Variants in DNAJC16 observed in about 807,000 individuals in gnomAD.
DNAJC16 encodes the protein DnaJ heat shock protein family (Hsp40) member C16.
A neutral mutation model predicts 92.7 loss-of-function variants in DNAJC16; 76 were observed. The ratio of observed to expected loss-of-function variants is 0.82; its 90% confidence interval spans 0.68 to 0.99. The LOEUF (loss-of-function observed/expected upper bound fraction) is 0.99. Among genes scored for constraint, DNAJC16 ranks in the 50% least tolerant of loss-of-function variants. The pLI, the probability that DNAJC16 is intolerant of heterozygous loss-of-function variation, is 0.00. For missense variants in DNAJC16, 869 were observed against 942.4 expected, an observed-to-expected ratio of 0.92 and a Z score of 1.02; for synonymous variants, 328 against 358.7, an observed-to-expected ratio of 0.91 and a Z score of 0.97.
chr1:15,534,097 C>T (rs1048652483), intron 2 of DNAJC16, 140 bp from the exon 3 acceptor site: 1 of 745,626 alleles, frequency 1.3e-6, no homozygotes, highest in African/African-American at 1.8e-5. Flanking sequence ...AACTGATTGC[C>T]TCTATCATTT....
intron 1 of DNAJC16, among the ~76,000 whole-genome samples, chr1:15,527,929 T>TA (rs1203159964): frequency 2.0e-5 from 3 of 152,192 alleles, no homozygotes; most frequent in Non-Finnish European, 4.4e-5. Flanking sequence ...TTGTGGAGTA[T>TA]AAATATCTGC....
At chr1:15,546,166 A>G (rs1638297811) in intron 5 of DNAJC16, among the ~76,000 whole-genome samples, 1 of 152,126 alleles carries the variant, frequency 6.6e-6, no homozygotes, top group Non-Finnish European at 1.5e-5. Flanking sequence ...TTAGCCAGGC[A>G]TGGTGCCATG....
intron 7 of DNAJC16, among the ~76,000 whole-genome samples, chr1:15,558,549 C>CTCTA (rs751289309): frequency 1.3e-5 from 2 of 152,042 alleles, no homozygotes; most frequent in Non-Finnish European, 2.9e-5. Flanking sequence ...ACAGGCTGGT[C>CTCTA]TCTAACTCTT....
chr1:15,562,785 A>C (rs900767722), intron 9 of DNAJC16, among the ~76,000 whole-genome samples: 3 of 151,742 alleles, frequency 2.0e-5, no homozygotes, highest in Admixed American at 2.0e-4. Flanking sequence ...CCTGGCCTAA[A>C]GCCTACTCTT....
Position 15,571,643 on chromosome 1 carries a change from A to G in DNAJC16, c.*3466A>G, listed in dbSNP as rs577127161. The G allele has an allele frequency of 6.6e-6, 1 of 152,592 alleles. No individual in the cohort carries two copies. Among genetic ancestry groups the G allele is most frequent in the East Asian group, 1.9e-4 (1 of 5,182 alleles). The allele number at this position is 152,592 out of a possible 1,614,324, so 9.5% of individuals were successfully genotyped here. A position where few individuals can be genotyped will look rare whatever the true frequency, so the allele number is the denominator to read the frequency against. ...TTTTGGGTGTTGTTTTTGTTTTTTG[A>G]CTTTTTTTGTATTGTGAACAGGCAC... is the stretch of plus-strand genomic sequence containing the variant. On this transcript the variant is annotated 3_prime_UTR_variant, in exon 15 of 15. Coordinates refer to ENST00000375847, the MANE Select transcript of DNAJC16 (RefSeq NM_015291.4).
At chr1:15,552,382 G>A (rs543160951) in intron 7 of DNAJC16, among the ~76,000 whole-genome samples, 7 of 151,978 alleles carry the variant, frequency 4.6e-5, no homozygotes, top group South Asian at 4.2e-4. Context: ...CCAGCTATTC[G>A]GGAGGCGGAG....
In DNAJC16 at chr1:15,534,194, A is replaced by T. The variant is rs756232325; in HGVS notation, c.168-43A>T. ...CAAGGACATTAAATGACTGTGCATT[A>T]AAAGTTACATCCTTTCTCACCGCCT... On this transcript the variant is annotated intron_variant, in intron 2 of 14. Coordinates refer to ENST00000375847, the MANE Select transcript of DNAJC16 (RefSeq NM_015291.4). 3.1e-6 allele frequency: 5 copies of T among 1,606,392 alleles called. No homozygotes were observed. In the South Asian group the frequency reaches 5.5e-5, roughly 18 times the overall value.
chr1:15,538,783 T>C (rs1046791908), intron 4 of DNAJC16, among the ~76,000 whole-genome samples: 20 of 152,204 alleles, frequency 1.3e-4, no homozygotes, highest in African/African-American at 4.6e-4. Flanking sequence ...TCTCATACTG[T>C]CTAGAAAAAA....
intron 2 of DNAJC16, among the ~76,000 whole-genome samples, chr1:15,530,405 G>A (rs1057437909): frequency 4.6e-5 from 7 of 152,010 alleles, no homozygotes; most frequent in African/African-American, 1.4e-4. Flanking sequence ...ATAGCAATTA[G>A]CAGGGTAGCA....
intron 4 of DNAJC16, among the ~76,000 whole-genome samples, chr1:15,543,121 A>G (rs1356176312): frequency 6.6e-6 from 1 of 152,212 alleles, no homozygotes. Context: ...CTACAAAGGG[A>G]TCCCTATCTT....
chr1:15,564,423 T>C, intron 11 of DNAJC16, 64 bp downstream of exon 11: 1 of 1,056,034 alleles, frequency 9.5e-7, no homozygotes, highest in Non-Finnish European at 1.5e-6. Flanking sequence ...GTTTTTCTTT[T>C]GAAAAGAGTT....
At chr1:15,540,425 T>C (rs1710906883) in intron 4 of DNAJC16, among the ~76,000 whole-genome samples, 1 of 152,216 alleles carries the variant, frequency 6.6e-6, no homozygotes, top group East Asian at 1.9e-4. Flanking sequence ...TAGCTAGGAC[T>C]AGAGGCACAC....
intron 4 of DNAJC16, among the ~76,000 whole-genome samples, chr1:15,540,301 G>A (rs1710902710): frequency 6.6e-6 from 1 of 152,268 alleles, no homozygotes; most frequent in East Asian, 1.9e-4. Context: ...AGTCTGGCCT[G>A]GGCGACAGAA....
At position 15,548,263 on chromosome 1, in the gene DNAJC16, C is replaced by T; in HGVS notation, c.865-7C>T. On this transcript the variant is annotated splice_polypyrimidine_tract_variant and splice_region_variant and intron_variant, in intron 6 of 14. Coordinates refer to ENST00000375847, the MANE Select transcript of DNAJC16 (RefSeq NM_015291.4). ...TTATTTTCTTCCTCTCTATTATGCC[C>T]TAACAGTTGACTGCCTTTGCATACA... 6.2e-7 allele frequency: 1 copy of T among 1,613,400 alleles called. No individual in the cohort carries two copies. Among genetic ancestry groups the T allele is most frequent in the Non-Finnish European group, 8.5e-7 (1 of 1,179,680 alleles).
intron 3 of DNAJC16, among the ~76,000 whole-genome samples, chr1:15,536,072 C>CTTTTTTTTT (rs758451008): frequency 2.4e-5 from 2 of 84,612 alleles, no homozygotes; most frequent in African/African-American, 5.1e-5. Context: ...CTTTTCTTTT[C>CTTTTTTTTT]TTTTTTTTTT....
In DNAJC16 at chr1:15,571,608, C is replaced by A. The variant is rs895781991; in HGVS notation, c.*3431C>A. On this transcript the variant is annotated 3_prime_UTR_variant, in exon 15 of 15. Coordinates refer to ENST00000375847, the MANE Select transcript of DNAJC16 (RefSeq NM_015291.4). ...AAATAACTTATTTGGCAAATTGTTT[C>A]TTTTTTATGTTTTGGGTGTTGTTTT... 6.6e-6 allele frequency: 1 copy of A among 152,468 alleles called. No homozygotes were observed. Among genetic ancestry groups the A allele is most frequent in the Non-Finnish European group, 1.5e-5 (1 of 67,974 alleles). 9.4% of individuals were successfully genotyped at this position (152,468 alleles called of 1,614,324 possible).
rs896054032 is a variant in DNAJC16 at position 15,571,246 on chromosome 1, A to C, written c.*3069A>C. On this transcript the variant is annotated 3_prime_UTR_variant, in exon 15 of 15. Transcript: ENST00000375847. The stretch of plus-strand genomic sequence containing the variant: ...TACTTGTTCCTTTTTATTTATTAAC[A>C]TCCCAATCAATTTGCAGCTGCCATC... The C allele has an allele frequency of 3.9e-5, 6 of 152,190 alleles. No homozygotes were observed. The highest frequency in any genetic ancestry group is 8.8e-5 in the Non-Finnish European group (6 of 68,028). The allele number at this position is 152,190 out of a possible 1,614,324, so 9.4% of individuals were successfully genotyped here. A position where few individuals can be genotyped will look rare whatever the true frequency, so the allele number is the denominator to read the frequency against.
intron 13 of DNAJC16, 43 bp from the exon 14 acceptor site, chr1:15,567,056 C>G (rs1263524959): frequency 6.3e-7 from 1 of 1,575,282 alleles, no homozygotes; most frequent in East Asian, 2.3e-5. Context: ...ACGGCTTTCC[C>G]CCTATCCTGA....
At chr1:15,548,464 C>T (rs778147672) in intron 7 of DNAJC16, 36 bp downstream of exon 7, 12 of 1,562,404 alleles carry the variant, frequency 7.7e-6, no homozygotes, top group Admixed American at 1.8e-5. Context: ...ATTTTCTTCA[C>T]ATTTTATCCC....
Sources: gnomAD v4.1 joint callset for allele counts (sites outside exome capture counted in the v4.1 genomes callset) on GRCh38, gnomAD v4.1.1 for gene constraint, MANE v1.5 for transcripts, NCBI Gene and HGNC (gene_info 2026-07-23, HGNC 2026-07-21) for gene names.